Variants in CCDC187 observed in about 807,000 individuals in gnomAD.
CCDC187 encodes the protein coiled-coil domain containing 187.
A neutral mutation model predicts 38.0 loss-of-function variants in CCDC187; 32 were observed. The observed-to-expected ratio is 0.84, with a 90% CI of 0.64 to 1.13. The LOEUF (loss-of-function observed/expected upper bound fraction) is 1.13. CCDC187 is among the 50% of genes most tolerant of loss of function. The pLI, the probability that CCDC187 is intolerant of heterozygous loss-of-function variation, is 0.00. For missense variants in CCDC187, 707 were observed against 786.8 expected, an observed-to-expected ratio of 0.90 and a Z score of 1.21; for synonymous variants, 333 against 347.9, an observed-to-expected ratio of 0.96 and a Z score of 0.48.
At chr9:136,267,804 G>C (rs1195349574) in intron 15 of CCDC187, 2 of 964,286 alleles carry the variant, frequency 2.1e-6, no homozygotes, top group Non-Finnish European at 2.5e-6. Flanking sequence ...CAACCTGGGC[G>C]GGGGCTAACC....
chr9:136,271,045 T>C (rs1031827311), intron 14 of CCDC187, among the ~76,000 whole-genome samples: 20 of 152,188 alleles, frequency 1.3e-4, no homozygotes, highest in African/African-American at 4.3e-4. Flanking sequence ...ACTGAAACAG[T>C]TTGTGCCTTC....
intron 7 of CCDC187, among the ~76,000 whole-genome samples, chr9:136,289,629 G>A (rs1366611797): frequency 7.2e-5 from 11 of 152,296 alleles, no homozygotes; most frequent in African/African-American, 2.6e-4. Flanking sequence ...GAGGGTGGGG[G>A]CTCATGGGGA....
chr9:136,273,451 G>A (rs1358296510), intron 14 of CCDC187, among the ~76,000 whole-genome samples: 4 of 152,200 alleles, frequency 2.6e-5, no homozygotes, highest in African/African-American at 9.7e-5. Flanking sequence ...ATAGAGGGGT[G>A]AGTTCATCAA....
chr9:136,294,897 A>T, intron 4 of CCDC187, among the ~76,000 whole-genome samples: 1 of 152,340 alleles, frequency 6.6e-6, no homozygotes, highest in Middle Eastern at 3.4e-3. Flanking sequence ...GCGTGGTCTC[A>T]GGATTCTCAG....
chr9:136,290,828 C>G lies in CCDC187; in HGVS notation c.1785G>C (p.Ser595=). ...GCCTTGGCAGGGCATGCTTGGCAGCCGAGACGGGGGAGCCGATGCCTCTGC... is the reference window on the plus strand; with the variant it reads ...GCCTTGGCAGGGCATGCTTGGCAGCGGAGACGGGGGAGCCGATGCCTCTGC... ...GKGRGIGSPV[S]AAKHALPRPT... Residue 595 remains serine (S), a synonymous_variant, in exon 6 of 26, where the codon TCG becomes TCC. Transcript: ENST00000638797. 2.5e-6 allele frequency: 1 copy of G among 398,526 alleles called. No individual in the cohort carries two copies. Among genetic ancestry groups the G allele is most frequent in the East Asian group, 3.6e-5 (1 of 28,060 alleles). 24.7% of individuals were successfully genotyped at this position (398,526 alleles called of 1,614,324 possible). A position where few individuals can be genotyped will look rare whatever the true frequency, so the allele number is the denominator to read the frequency against.
chr9:136,251,119 A>G lies in CCDC187; in HGVS notation c.*2475T>C. On this transcript the variant is annotated 3_prime_UTR_variant, in exon 26 of 26. Transcript: ENST00000638797. ...TGGACAGGAGAAGCCACATCCTGGA[A>G]GGATCAGTGCTGGGACACAGATGTC... The G allele has an allele frequency of 4.5e-6, 2 of 443,804 alleles. No homozygotes were observed. The highest frequency in any genetic ancestry group is 9.2e-6 in the Non-Finnish European group (2 of 216,660). 27.5% of individuals were successfully genotyped at this position (443,804 alleles called of 1,614,324 possible). A position where few individuals can be genotyped will look rare whatever the true frequency, so the allele number is the denominator to read the frequency against.
intron 18 of CCDC187, among the ~76,000 whole-genome samples, chr9:136,263,283 G>A (rs1554761221): frequency 6.7e-6 from 1 of 149,064 alleles, no homozygotes; most frequent in Non-Finnish European, 1.5e-5. Context: ...CGCCCAGGGT[G>A]GAGTGCAGTG....
chr9:136,272,953 C>G (rs1554762632), intron 14 of CCDC187, among the ~76,000 whole-genome samples: 1 of 152,164 alleles, frequency 6.6e-6, no homozygotes, highest in East Asian at 1.9e-4. Context: ...TGGCCTTGTA[C>G]TATAAGTGAA....
chr9:136,255,158 T>C (rs1195142536), intron 25 of CCDC187, 24 bp from the exon 26 acceptor site: 23 of 979,756 alleles, frequency 2.3e-5, no homozygotes, highest in Non-Finnish European at 2.8e-5. Flanking sequence ...CAATCAACAG[T>C]GGTCACCCTC....
chr9:136,268,965 C>T (rs1830794351), intron 14 of CCDC187, among the ~76,000 whole-genome samples: 1 of 152,056 alleles, frequency 6.6e-6, no homozygotes, highest in Non-Finnish European at 1.5e-5. Flanking sequence ...TCTGGGAGGA[C>T]CAAGGCAGCT....
At position 136,263,908 on chromosome 9, in the gene CCDC187, G is replaced by C. The variant is rs536167204; in HGVS notation, c.3736-110C>G. 3 of 793,740 alleles carry C rather than the reference G, an allele frequency of 3.8e-6. No homozygotes were observed. In the African/African-American group the frequency reaches 5.6e-5, roughly 15 times the overall value. 49.2% of individuals were successfully genotyped at this position (793,740 alleles called of 1,614,324 possible). ...GGATGCCCTGGCCCTCACACTGGGA[G>C]GCCTCCCTTTCCCTCCAATTGGCCT... is the stretch of plus-strand genomic sequence containing the variant. On this transcript the variant is annotated intron_variant, in intron 17 of 25. Coordinates refer to ENST00000638797, the MANE Select transcript of CCDC187 (RefSeq NM_001378188.1).
chr9:136,275,597 C>A (rs1244323152), intron 12 of CCDC187, among the ~76,000 whole-genome samples: 3 of 152,178 alleles, frequency 2.0e-5, no homozygotes, highest in Non-Finnish European at 4.4e-5. Flanking sequence ...AAGAAAGGTC[C>A]ACCTCCCAGA....
chr9:136,300,836 C>T (rs967882734), intron 2 of CCDC187, among the ~76,000 whole-genome samples: 11 of 152,144 alleles, frequency 7.2e-5, no homozygotes, highest in African/African-American at 1.2e-4. Context: ...CCTGACCTCA[C>T]GTGATCTGCC....
rs1830739615 is a variant in CCDC187 at position 136,266,038 on chromosome 9, A to G, written c.3653T>C (p.Leu1218Pro). The G allele has an allele frequency of 1.9e-5, 19 of 985,396 alleles. No individual in the cohort carries two copies. The South Asian group carries it at 8.5e-4, about 44-fold the overall frequency. The allele number at this position is 985,396 out of a possible 1,614,324, so 61.0% of individuals were successfully genotyped here. ...CACAGCTCTGTCCCTCTTGCTGTCC[A>G]GGCACCTGGGGGGAGGTGGCAACAT... ...LAWLEHRRGC[L>P]DSKRDRAVLA... The change falls in exon 17 of 26, where the codon CTG becomes CCG. Residue 1218 changes from leucine to proline, a missense_variant. By Grantham distance (98) the Leu-to-Pro change is moderately conservative. Coordinates refer to ENST00000638797, the MANE Select transcript of CCDC187 (RefSeq NM_001378188.1).
Position 136,293,516 on chromosome 9 carries a change from TGCTCACATACAC to T in CCDC187, c.833-1233_833-1222del, listed in dbSNP as rs1224424551. On this transcript the variant is annotated intron_variant, in intron 4 of 25. Coordinates refer to ENST00000638797, the MANE Select transcript of CCDC187 (RefSeq NM_001378188.1). ...ATGCTCACACACTCACAAACACACA[TGCTCACATACAC>T]GCTTACACACTCACACTGACATGCT... Among the ~76,000 whole-genome samples the T allele has an allele frequency of 8.6e-3, 670 of 77,548 alleles. 6 individuals are homozygous for T. Among genetic ancestry groups the T allele is most frequent in the Middle Eastern group, 0.02 (3 of 152 alleles). 50.9% of individuals were successfully genotyped at this position (77,548 alleles called of 152,430 possible). A position where few individuals can be genotyped will look rare whatever the true frequency, so the allele number is the denominator to read the frequency against.
At chr9:136,288,313 C>T (rs1831229761) in intron 7 of CCDC187, among the ~76,000 whole-genome samples, 3 of 152,186 alleles carry the variant, frequency 2.0e-5, no homozygotes, top group South Asian at 4.1e-4. Flanking sequence ...CAAAATGGAG[C>T]CAAAAGGAGC....
At position 136,256,697 on chromosome 9, in the gene CCDC187, C is replaced by T. The variant is rs1345218590; in HGVS notation, c.4503+8G>A. The T allele has an allele frequency of 6.6e-6, 1 of 152,256 alleles. No individual in the cohort carries two copies. The highest frequency in any genetic ancestry group is 1.5e-5 in the Non-Finnish European group (1 of 68,048). The allele number at this position is 152,256 out of a possible 1,614,324, so 9.4% of individuals were successfully genotyped here. On this transcript the variant is annotated splice_region_variant and intron_variant, in intron 23 of 25. Transcript: ENST00000638797. The stretch of plus-strand genomic sequence containing the variant: ...CCCACAGGAAGGGCACGGCCACACC[C>T]GACTCACGCTGGCTTCTTGTGGGCC...
chr9:136,297,622 C>T (rs921031952), intron 4 of CCDC187, 92 bp downstream of exon 4: 5 of 394,438 alleles, frequency 1.3e-5, no homozygotes, highest in Admixed American at 4.4e-5. Context: ...CCAGCCCCAG[C>T]CCCAGCCCCA....
In CCDC187 at chr9:136,254,601, G is replaced by A; in HGVS notation, c.5227C>T (p.Pro1743Ser). The A allele has an allele frequency of 2.0e-6, 2 of 985,544 alleles. No individual in the cohort carries two copies. The highest frequency in any genetic ancestry group is 1.2e-6 in the Non-Finnish European group (1 of 829,994). The allele number at this position is 985,544 out of a possible 1,614,324, so 61.0% of individuals were successfully genotyped here. Residue 1743 changes from proline (P) to serine (S), a missense_variant, in exon 26 of 26, where the codon CCA (proline) becomes TCA (serine). Transcript: ENST00000638797. Reference protein sequence around the residue: ...SPKAGWLLPFPDIPSPRSGSE... With the variant: ...SPKAGWLLPFSDIPSPRSGSE... ...CCTGACCTTGGAGAGGGGATGTCTG[G>A]GAAAGGCAGTAGCCAGCCTGCCTTT...
Sources: allele counts gnomAD v4.1 joint callset (sites outside exome capture counted in the v4.1 genomes callset), GRCh38; gene constraint gnomAD v4.1.1; transcripts MANE v1.5; gene names NCBI Gene and HGNC (gene_info 2026-07-23, HGNC 2026-07-21).